KANSL1L: variants seen among roughly 807,000 people sequenced by gnomAD.
KANSL1L encodes KAT8 regulatory NSL complex subunit 1 like.
A neutral mutation model predicts 108.6 loss-of-function variants in KANSL1L; 25 were observed. The observed-to-expected ratio is 0.23, with a 90% CI of 0.17 to 0.32. The LOEUF (loss-of-function observed/expected upper bound fraction) is 0.32. Ranked by LOEUF, KANSL1L falls within the 10% of genes least tolerant of loss-of-function variation. The pLI, the probability that KANSL1L is intolerant of heterozygous loss-of-function variation, is 1.00. For synonymous variants in KANSL1L, 405 were observed against 395.1 expected (o/e 1.03, Z -0.30); for missense variants, 1,137 against 1,125.7 (o/e 1.01, Z -0.14).
chr2:210,157,938 C>A (rs1250342612), intron 1 of KANSL1L, among the ~76,000 whole-genome samples: 1 of 151,666 alleles, frequency 6.6e-6, no homozygotes, highest in East Asian at 1.9e-4. Context: ...TTAAGAAATA[C>A]AATTCGTAGC....
At chr2:210,030,487 A>C (rs1181057202) in intron 9 of KANSL1L, among the ~76,000 whole-genome samples, 2 of 140,796 alleles carry the variant, frequency 1.4e-5, no homozygotes, top group Non-Finnish European at 3.1e-5. Flanking sequence ...TTTTCTGTAT[A>C]TCTTCCAAGT....
rs777537177 is a variant in KANSL1L at position 210,040,309 on chromosome 2, AGG to A, written c.2029+109_2029+110del. On this transcript the variant is annotated intron_variant, in intron 8 of 14. Coordinates refer to ENST00000281772, the MANE Select transcript of KANSL1L (RefSeq NM_152519.4). Reference sequence around the variant, plus strand: ...TGTAAAAAGTGAGTATTAAAAATTAAGGATTTTCATGTATTCTTTTCTTAGAT... The same window carrying A: ...TGTAAAAAGTGAGTATTAAAAATTAAATTTTCATGTATTCTTTTCTTAGAT... The A allele has an allele frequency of 2.6e-5, 17 of 657,500 alleles. No homozygotes were observed. The African/African-American group carries it at 3.0e-4, about 12-fold the overall frequency. 40.7% of individuals were successfully genotyped at this position (657,500 alleles called of 1,614,324 possible).
intron 3 of KANSL1L, among the ~76,000 whole-genome samples, chr2:210,117,453 A>G (rs1300915991): frequency 1.3e-5 from 2 of 152,214 alleles, no homozygotes; most frequent in Non-Finnish European, 2.9e-5. Context: ...ACATTTAATA[A>G]TCAAACACCC....
rs60144283 is a variant in KANSL1L, at chr2:210,079,612, GTATATATATATATATATATATA to G, written c.1551-3878_1551-3857del. Reference sequence around the variant, plus strand: ...TCTCAAAAAAAAAAAATATGTATGTGTATATATATATATATATATATATATATATATATATATATATATATAT... The same window carrying G: ...TCTCAAAAAAAAAAAATATGTATGTGTATATATATATATATATATATATAT... On this transcript the variant is annotated intron_variant, in intron 5 of 14. Coordinates refer to ENST00000281772, the MANE Select transcript of KANSL1L (RefSeq NM_152519.4). Among the ~76,000 whole-genome samples the G allele has an allele frequency of 1.0e-3, 67 of 65,666 alleles. 3 individuals are homozygous for G. The highest frequency in any genetic ancestry group is 5.7e-3 in the African/African-American group (61 of 10,640). 43.1% of individuals were successfully genotyped at this position (65,666 alleles called of 152,430 possible). A position where few individuals can be genotyped will look rare whatever the true frequency, so the allele number is the denominator to read the frequency against.
intron 5 of KANSL1L, among the ~76,000 whole-genome samples, chr2:210,090,048 A>G (rs1215373078): frequency 6.6e-6 from 1 of 152,226 alleles, no homozygotes; most frequent in Non-Finnish European, 1.5e-5. Flanking sequence ...GAGTAAGAAT[A>G]GCTGAATCAA....
intron 10 of KANSL1L, 66 bp from the exon 11 acceptor site, chr2:210,029,035 A>G: frequency 7.6e-7 from 1 of 1,317,668 alleles, no homozygotes; most frequent in South Asian, 1.4e-5. Flanking sequence ...CCCTCCTTTC[A>G]TCAGTTATGT....
chr2:210,146,307 A>G (rs762980987), intron 2 of KANSL1L, among the ~76,000 whole-genome samples: 4 of 152,108 alleles, frequency 2.6e-5, no homozygotes, highest in Non-Finnish European at 4.4e-5. Context: ...ACTTTCATTC[A>G]TGGAAAGATA....
In KANSL1L at chr2:210,074,486, G is replaced by A. The variant is rs530087815; in HGVS notation, c.1755+1066C>T. On this transcript the variant is annotated intron_variant, in intron 6 of 14. Transcript: ENST00000281772. ...ATGGGATTACAGGCACCGCCACCAC[G>A]CTGGGCAAATTTTTGTATTTTTCAC... 5.8e-4 allele frequency among the ~76,000 whole-genome samples: 88 copies of A among 152,168 alleles called. 2 individuals are homozygous for A. The highest frequency in any genetic ancestry group is 4.9e-3 in the Admixed American group (75 of 15,274).
intron 6 of KANSL1L, among the ~76,000 whole-genome samples, chr2:210,070,301 G>A (rs1329856024): frequency 8.6e-6 from 1 of 116,052 alleles, no homozygotes; most frequent in South Asian, 3.0e-4. Context: ...CGCGATCTCC[G>A]CTCACTGCAA....
At chr2:210,124,667 C>T (rs756322500) in intron 3 of KANSL1L, among the ~76,000 whole-genome samples, 100 of 151,616 alleles carry the variant, frequency 6.6e-4, no homozygotes, top group Admixed American at 3.5e-3. Context: ...AGAGCTAAAA[C>T]GAATATGAGG....
chr2:210,097,052 T>C (rs1210876500), intron 5 of KANSL1L: 1 of 180,708 alleles, frequency 5.5e-6, no homozygotes, highest in African/African-American at 2.4e-5. Context: ...CAAGTGATTC[T>C]TGTGCCTCAG....
chr2:210,080,003 G>GT, intron 5 of KANSL1L: 1 of 151,404 alleles, frequency 6.6e-6, no homozygotes, highest in Non-Finnish European at 1.5e-5. Flanking sequence ...AAGCTATCTT[G>GT]TACCAGGGTT....
At chr2:210,082,099 A>T (rs2094595147) in intron 5 of KANSL1L, among the ~76,000 whole-genome samples, 1 of 152,042 alleles carries the variant, frequency 6.6e-6, no homozygotes, top group Admixed American at 6.6e-5. Context: ...ATGCCTGGCT[A>T]ATTTTTTATG....
chr2:210,092,119 T>A (rs1046078761), intron 5 of KANSL1L, among the ~76,000 whole-genome samples: 1 of 152,168 alleles, frequency 6.6e-6, no homozygotes, highest in Non-Finnish European at 1.5e-5. Flanking sequence ...TTTTTTCACA[T>A]TTCCTATATG....
At chr2:210,071,105 C>T (rs2094504720) in intron 6 of KANSL1L, among the ~76,000 whole-genome samples, 1 of 151,036 alleles carries the variant, frequency 6.6e-6, no homozygotes, top group South Asian at 2.1e-4. Flanking sequence ...TTGCAGTGAG[C>T]TGAGATTGTG....
chr2:210,152,086 C>T (rs550237468), intron 2 of KANSL1L: 16 of 152,174 alleles, frequency 1.1e-4, no homozygotes, highest in Admixed American at 7.9e-4. Flanking sequence ...GGTTTTAAGC[C>T]TAGTGCCCAT....
At chr2:210,170,863 T>A (rs975589326) in intron 1 of KANSL1L, among the ~76,000 whole-genome samples, 1 of 128,576 alleles carries the variant, frequency 7.8e-6, no homozygotes, top group Non-Finnish European at 1.6e-5. Flanking sequence ...GTGACCGGCG[T>A]CCAGGTCCGC....
Position 210,079,648 on chromosome 2 carries a change from A to ATATATATATATGTGTG in KANSL1L, c.1551-3893_1551-3892insCACACATATATATATA, listed in dbSNP as rs2094570727. On this transcript the variant is annotated intron_variant, in intron 5 of 14. Transcript: ENST00000281772. ...TATATATATATATATATATATATAT[A>ATATATATATATGTGTG]TATATATATATATATATGTATGTGT... 2.0e-3 allele frequency among the ~76,000 whole-genome samples: 31 copies of ATATATATATATGTGTG among 15,194 alleles called. 2 individuals are homozygous for ATATATATATATGTGTG. The highest frequency in any genetic ancestry group is 7.5e-3 in the East Asian group (3 of 398). 10.0% of individuals were successfully genotyped at this position (15,194 alleles called of 152,430 possible).
At chr2:210,045,527 T>G (rs189683014) in intron 6 of KANSL1L, among the ~76,000 whole-genome samples, 2 of 152,296 alleles carry the variant, frequency 1.3e-5, no homozygotes, top group East Asian at 3.9e-4. Context: ...CATTCATGAA[T>G]ACCACCCATA....
Sources: allele counts gnomAD v4.1 joint callset (sites outside exome capture counted in the v4.1 genomes callset), GRCh38; gene constraint gnomAD v4.1.1; transcripts MANE v1.5; gene names NCBI Gene and HGNC (gene_info 2026-07-23, HGNC 2026-07-21).